RANBP2: variants seen among roughly 807,000 people sequenced by gnomAD.
RANBP2 encodes RAN binding protein 2, also known as E3 SUMO-protein ligase RanBP2.
RANBP2 carries 57 observed loss-of-function variants against 303.6 expected under a neutral mutation model. The observed-to-expected ratio is 0.19, with a 90% CI of 0.15 to 0.23. The LOEUF (loss-of-function observed/expected upper bound fraction) is 0.23. Among genes scored for constraint, RANBP2 ranks in the 10% least tolerant of loss-of-function variants. The probability of loss-of-function intolerance (pLI) is 1.00; values close to 1 mark genes in which losing one functional copy is unlikely to be tolerated. For missense variants in RANBP2, 3,138 were observed against 3,780.8 expected, an observed-to-expected ratio of 0.83 and a Z score of 4.46; for synonymous variants, 1,167 against 1,301.5, an observed-to-expected ratio of 0.90 and a Z score of 2.23.
chr2:109,525,889 A>G, the RANBP2 span, among the ~76,000 whole-genome samples: 1 of 152,170 alleles, frequency 6.6e-6, no homozygotes, highest in Non-Finnish European at 1.5e-5. Flanking sequence ...CATTGGAAGC[A>G]GATGGAGGGT....
the RANBP2 span, among the ~76,000 whole-genome samples, chr2:109,694,096 T>C: frequency 6.6e-6 from 1 of 152,210 alleles, no homozygotes; most frequent in East Asian, 1.9e-4. Context: ...CCAAATCTCA[T>C]GTTGAATTGT....
chr2:109,051,990 C>T, the RANBP2 span, among the ~76,000 whole-genome samples: 49 of 152,210 alleles, frequency 3.2e-4, 1 homozygote, highest in Middle Eastern at 3.4e-3. Context: ...CCTGGTGATC[C>T]GCCCGCCTCG....
the RANBP2 span, chr2:108,896,847 C>T: frequency 3.3e-6 from 5 of 1,536,404 alleles, no homozygotes; most frequent in Non-Finnish European, 4.4e-6. Flanking sequence ...CCACTCACAG[C>T]TCCAGAGCCC....
chr2:109,620,072 T>C, the RANBP2 span, among the ~76,000 whole-genome samples: 1 of 152,196 alleles, frequency 6.6e-6, no homozygotes, highest in African/African-American at 2.4e-5. Context: ...TGTTAACTAA[T>C]AGCCTATTTT....
chr2:109,458,303 C>T, the RANBP2 span, among the ~76,000 whole-genome samples: 4 of 152,206 alleles, frequency 2.6e-5, no homozygotes, highest in Admixed American at 6.5e-5. Context: ...TCAAATAGAA[C>T]CAATAGGTCA....
the RANBP2 span, among the ~76,000 whole-genome samples, chr2:109,498,692 TG>T: frequency 6.6e-6 from 1 of 152,042 alleles, no homozygotes; most frequent in Non-Finnish European, 1.5e-5. Flanking sequence ...CAGGGAACTG[TG>T]GGGGGTCCTG....
the RANBP2 span, among the ~76,000 whole-genome samples, chr2:109,062,643 C>G: frequency 6.6e-6 from 1 of 152,182 alleles, no homozygotes; most frequent in Admixed American, 6.5e-5. Flanking sequence ...GGGCCCAAAG[C>G]TTGGAGAAGG....
At chr2:109,240,606 T>C in the RANBP2 span, among the ~76,000 whole-genome samples, 1 of 152,222 alleles carries the variant, frequency 6.6e-6, no homozygotes, top group Non-Finnish European at 1.5e-5. Context: ...TTTTCATTGC[T>C]GCAGTTTCAA....
the RANBP2 span, among the ~76,000 whole-genome samples, chr2:109,466,138 A>G: frequency 0.013 from 1,645 of 129,066 alleles, 34 homozygotes; most frequent in African/African-American, 0.045. Flanking sequence ...GGAGTGCAGC[A>G]GTGCTATCTC....
the RANBP2 span, among the ~76,000 whole-genome samples, chr2:108,996,539 A>C: frequency 5.3e-5 from 8 of 152,210 alleles, no homozygotes; most frequent in Non-Finnish European, 1.2e-4. Flanking sequence ...CAACAATGAA[A>C]TACATACCCC....
the RANBP2 span, among the ~76,000 whole-genome samples, chr2:109,199,638 GGA>G: frequency 0.026 from 1 of 38 alleles, no homozygotes; most frequent in African/African-American, 0.083. Flanking sequence ...GGAATGGAAT[GGA>G]ATGGAATGGA....
chr2:109,205,388 A>G, the RANBP2 span, among the ~76,000 whole-genome samples: 5 of 151,692 alleles, frequency 3.3e-5, no homozygotes, highest in South Asian at 2.1e-4. Flanking sequence ...GGCATGCATC[A>G]CCATGCCTAG....
chr2:109,264,754 G>A, the RANBP2 span, among the ~76,000 whole-genome samples: 1 of 152,178 alleles, frequency 6.6e-6, no homozygotes, highest in African/African-American at 2.4e-5. Context: ...GGCCCACTGG[G>A]CGGGCATCTC....
At chr2:109,598,804 A>G in the RANBP2 span, among the ~76,000 whole-genome samples, 1 of 151,986 alleles carries the variant, frequency 6.6e-6, no homozygotes, top group Admixed American at 6.6e-5. Flanking sequence ...TGCTTGAACC[A>G]GGGAGGCGGA....
chr2:109,642,612 G>A, the RANBP2 span, among the ~76,000 whole-genome samples: 1 of 151,564 alleles, frequency 6.6e-6, no homozygotes, highest in East Asian at 1.9e-4. Context: ...AGCTGGGCAT[G>A]GTGACGTGCA....
At chr2:109,493,449 A>C in the RANBP2 span, among the ~76,000 whole-genome samples, 6 of 151,552 alleles carry the variant, frequency 4.0e-5, no homozygotes, top group Non-Finnish European at 5.9e-5. Flanking sequence ...ATGTGCAAAC[A>C]CACTCCACAT....
At chr2:108,846,505 C>T in the RANBP2 span, among the ~76,000 whole-genome samples, 2 of 150,820 alleles carry the variant, frequency 1.3e-5, no homozygotes, top group Non-Finnish European at 3.0e-5. Context: ...TTAGTGAGAC[C>T]CATCTCTACC....
the RANBP2 span, among the ~76,000 whole-genome samples, chr2:109,580,642 A>G: frequency 6.6e-6 from 1 of 152,332 alleles, no homozygotes; most frequent in African/African-American, 2.4e-5. Context: ...AAGAAAAATA[A>G]AGCCTGTCTT....
rs1388421664 is a variant in RANBP2 at position 108,764,256 on chromosome 2, A to C, written c.3717A>C (p.Val1239=). 5 of 1,614,088 alleles carry C rather than the reference A, an allele frequency of 3.1e-6. No individual in the cohort carries two copies. Among genetic ancestry groups the C allele is most frequent in the South Asian group, 2.2e-5 (2 of 91,082 alleles). Residue 1239 remains valine (V), a synonymous_variant, in exon 20 of 29, where the codon GTA becomes GTC. Transcript: ENST00000283195. ...KIRLLMRREQ[V]LKICANHYIS... ...GCCTTCTAATGAGACGAGAGCAAGT[A>C]TTGAAAATCTGTGCAAATCATTACA...
Sources: allele counts gnomAD v4.1 joint callset (sites outside exome capture counted in the v4.1 genomes callset), GRCh38; gene constraint gnomAD v4.1.1; transcripts MANE v1.5; gene names NCBI Gene and HGNC (gene_info 2026-07-23, HGNC 2026-07-21).